FAR2: variants seen among roughly 807,000 people sequenced by gnomAD.
The protein encoded by FAR2 is fatty acyl-CoA reductase 2.
FAR2 carries 19 observed loss-of-function variants against 56.0 expected under a neutral mutation model. The observed-to-expected ratio is 0.34, with a 90% CI of 0.24 to 0.50. FAR2 has a LOEUF of 0.50. FAR2 is among the 20% of genes least tolerant of loss of function. The pLI is 0.98. For missense variants in FAR2, 508 were observed against 642.2 expected (o/e 0.79, Z 2.26); for synonymous variants, 219 against 218.8 (o/e 1.00, Z -0.01).
At chr12:29,290,575 A>T (rs550732924) in intron 2 of FAR2, among the ~76,000 whole-genome samples, 1 of 152,356 alleles carries the variant, frequency 6.6e-6, no homozygotes, top group South Asian at 2.1e-4. Flanking sequence ...TACTGCTCAC[A>T]CTAGCTAAGA....
At chr12:29,149,642 G>C (rs961771568) in intron 1 of FAR2, among the ~76,000 whole-genome samples, 1 of 152,238 alleles carries the variant, frequency 6.6e-6, no homozygotes, top group East Asian at 1.9e-4. Context: ...GGCCGTTTAC[G>C]CGCGGTTGGC....
intron 1 of FAR2, among the ~76,000 whole-genome samples, chr12:29,164,909 T>G (rs1398375946): frequency 6.6e-6 from 1 of 152,218 alleles, no homozygotes; most frequent in Non-Finnish European, 1.5e-5. Flanking sequence ...AAAAGCAGTA[T>G]GAGTGGAGTT....
In FAR2 at chr12:29,155,456, G is replaced by A. The variant is rs577691696; in HGVS notation, c.-39+6049G>A. 9.2e-5 allele frequency among the ~76,000 whole-genome samples: 14 copies of A among 152,336 alleles called. No individual in the cohort carries two copies. In the South Asian group the frequency reaches 2.9e-3, roughly 32 times the overall value. ...ATAATGGAAGAAACAGGTTCACACA[G>A]CTGTAGAATTCTTCCTTGGCTTCAT... On this transcript the variant is annotated intron_variant, in intron 1 of 11. Transcript: ENST00000536681.
chr12:29,236,414 A>G (rs1947942573), intron 1 of FAR2, among the ~76,000 whole-genome samples: 1 of 152,170 alleles, frequency 6.6e-6, no homozygotes, highest in African/African-American at 2.4e-5. Context: ...ACACTGCTAT[A>G]AAGAAATACC....
chr12:29,330,201 C>T (rs1003705980), intron 10 of FAR2, among the ~76,000 whole-genome samples: 1 of 151,920 alleles, frequency 6.6e-6, no homozygotes, highest in Non-Finnish European at 1.5e-5. Flanking sequence ...CGACTACAGG[C>T]GCATGCCACG....
intron 1 of FAR2, among the ~76,000 whole-genome samples, chr12:29,197,491 T>C (rs1384073943): frequency 6.6e-6 from 1 of 152,168 alleles, no homozygotes; most frequent in Non-Finnish European, 1.5e-5. Flanking sequence ...CAACAACTTA[T>C]GATAGGGGTA....
At chr12:29,284,349 G>GA (rs1244787111) in intron 2 of FAR2, among the ~76,000 whole-genome samples, 1 of 152,166 alleles carries the variant, frequency 6.6e-6, no homozygotes, top group African/African-American at 2.4e-5. Context: ...TTCCTCATCC[G>GA]AGAAGACCAG....
intron 1 of FAR2, among the ~76,000 whole-genome samples, chr12:29,243,280 C>G (rs2136666875): frequency 6.6e-6 from 1 of 152,246 alleles, no homozygotes; most frequent in Non-Finnish European, 1.5e-5. Context: ...CAGAAATGAT[C>G]ATTTATCTTC....
At chr12:29,191,574 T>G (rs1950103318) in intron 1 of FAR2, among the ~76,000 whole-genome samples, 1 of 152,236 alleles carries the variant, frequency 6.6e-6, no homozygotes, top group Admixed American at 6.5e-5. Flanking sequence ...TAGCCAAAAC[T>G]TGTACTTGAC....
At chr12:29,329,029 T>A (rs1949691755) in intron 10 of FAR2, among the ~76,000 whole-genome samples, 1 of 152,150 alleles carries the variant, frequency 6.6e-6, no homozygotes, top group African/African-American at 2.4e-5. Context: ...TTCCTAAGCA[T>A]TATCCATGTC....
intron 1 of FAR2, among the ~76,000 whole-genome samples, chr12:29,171,086 G>C (rs994794006): frequency 1.3e-5 from 2 of 152,264 alleles, no homozygotes; most frequent in Non-Finnish European, 2.9e-5. Flanking sequence ...CCTGATTACA[G>C]GCTGTTCCAG....
Position 29,211,189 on chromosome 12 carries a change from G to A in FAR2, c.-38-59223G>A, listed in dbSNP as rs112235916. On this transcript the variant is annotated intron_variant, in intron 1 of 11. Coordinates refer to ENST00000536681, the MANE Select transcript of FAR2 (RefSeq NM_001271783.2). ...ACCTATAATCCCAACTACTTGGGAG[G>A]CTGAGACAGGAGAATTGCTTGAACC... Among the ~76,000 whole-genome samples, 604 of 152,210 alleles carry A rather than the reference G, an allele frequency of 4.0e-3. 5 individuals carry two copies. Among genetic ancestry groups the A allele is most frequent in the African/African-American group, 0.014 (578 of 41,524 alleles).
chr12:29,308,711 C>CATATATAT (rs1428729903), intron 5 of FAR2, among the ~76,000 whole-genome samples: 3,296 of 109,280 alleles, frequency 0.03, 116 homozygotes, highest in African/African-American at 0.11. Flanking sequence ...CACACACACA[C>CATATATAT]ACACACACAT....
chr12:29,234,434 T>G (rs10843352), intron 1 of FAR2, among the ~76,000 whole-genome samples: 59,791 of 151,052 alleles, frequency 0.4, 13,457 homozygotes, highest in Admixed American at 0.53. Flanking sequence ...TGTTTTTGCC[T>G]TCTTCTTATT....
intron 4 of FAR2, among the ~76,000 whole-genome samples, chr12:29,298,036 CAAAAAAAA>C (rs71042980): frequency 8.1e-6 from 1 of 123,596 alleles, no homozygotes; most frequent in Non-Finnish European, 1.7e-5. Context: ...AACTCCGTCT[CAAAAAAAA>C]AAAAAAAAAA....
At chr12:29,321,412 G>A (rs923667680) in intron 9 of FAR2, among the ~76,000 whole-genome samples, 2 of 152,090 alleles carry the variant, frequency 1.3e-5, no homozygotes, top group Non-Finnish European at 2.9e-5. Context: ...CTGGGTGACA[G>A]AGTAAGACCC....
At chr12:29,215,232 C>A (rs879338247) in intron 1 of FAR2, among the ~76,000 whole-genome samples, 35 of 152,064 alleles carry the variant, frequency 2.3e-4, no homozygotes, top group African/African-American at 8.0e-4. Context: ...TACTTCTGAG[C>A]TAAATATGAA....
intron 1 of FAR2, among the ~76,000 whole-genome samples, chr12:29,193,583 T>C (rs1035106694): frequency 2.6e-5 from 4 of 152,236 alleles, no homozygotes; most frequent in Non-Finnish European, 2.9e-5. Flanking sequence ...GATAGCTCAT[T>C]TCCATTTAGC....
At chr12:29,255,133 C>G (rs1180298983) in intron 1 of FAR2, among the ~76,000 whole-genome samples, 1 of 151,146 alleles carries the variant, frequency 6.6e-6, no homozygotes. Flanking sequence ...GCTTAATCAA[C>G]AGACCCTTAT....
Sources: allele counts gnomAD v4.1 joint callset (sites outside exome capture counted in the v4.1 genomes callset), GRCh38; gene constraint gnomAD v4.1.1; transcripts MANE v1.5; gene names NCBI Gene and HGNC (gene_info 2026-07-23, HGNC 2026-07-21).